The following PLEKHG1 variants were observed in gnomAD, a reference collection of about 807,000 sequenced individuals.
PLEKHG1 encodes pleckstrin homology domain-containing family G member 1.
Under a neutral mutation model 100.8 loss-of-function variants are expected in PLEKHG1, and 44 were observed. The ratio of observed to expected loss-of-function variants is 0.44; its 90% CI spans 0.34 to 0.56. The LOEUF (loss-of-function observed/expected upper bound fraction) is 0.56, where lower values mean the gene tolerates loss of function less well. PLEKHG1 is among the 20% of genes least tolerant of loss of function. The probability of loss-of-function intolerance (pLI) is 0.01; values close to 1 mark genes in which losing one functional copy is unlikely to be tolerated. For synonymous variants in PLEKHG1, 640 were observed against 662.5 expected (o/e 0.97, Z 0.52); for missense variants, 1,545 against 1,720.9 (o/e 0.90, Z 1.81).
At chr6:150,623,500 T>C (rs897502840) in intron 1 of PLEKHG1, among the ~76,000 whole-genome samples, 1 of 152,218 alleles carries the variant, frequency 6.6e-6, no homozygotes, top group Non-Finnish European at 1.5e-5. Flanking sequence ...TCTGTAGTTT[T>C]CCAGTGGGAA....
intron 3 of PLEKHG1, among the ~76,000 whole-genome samples, chr6:150,774,658 A>C (rs1475495073): frequency 6.8e-6 from 1 of 147,434 alleles, no homozygotes; most frequent in African/African-American, 2.5e-5. Context: ...CTCCTGCCTC[A>C]GCCTCCCAAG....
chr6:150,808,113 G>A (rs1177485344), intron 7 of PLEKHG1, among the ~76,000 whole-genome samples: 2 of 152,118 alleles, frequency 1.3e-5, no homozygotes, highest in East Asian at 1.9e-4. Context: ...TGGAGGTGAC[G>A]GAGGCCCATT....
At chr6:150,720,143 C>T (rs1781605734), upstream of PLEKHG1, among the ~76,000 whole-genome samples, 1 of 152,060 alleles carries the variant, frequency 6.6e-6, no homozygotes, top group Non-Finnish European at 1.5e-5. Context: ...AGACATAATC[C>T]ATATTTTGAA....
At chr6:150,670,525 G>T (rs1420927595) in intron 3 of PLEKHG1, among the ~76,000 whole-genome samples, 1 of 152,194 alleles carries the variant, frequency 6.6e-6, no homozygotes, top group Non-Finnish European at 1.5e-5. Flanking sequence ...CTGAGCATGG[G>T]CGCCCCCTGG....
At chr6:150,627,183 A>G (rs1009385697) in intron 1 of PLEKHG1, among the ~76,000 whole-genome samples, 1 of 152,236 alleles carries the variant, frequency 6.6e-6, no homozygotes, top group African/African-American at 2.4e-5. Flanking sequence ...TATTTATTTG[A>G]AAGATAAAAA....
intron 1 of PLEKHG1, among the ~76,000 whole-genome samples, chr6:150,721,498 T>C (rs1328575552): frequency 1.3e-5 from 2 of 152,216 alleles, no homozygotes; most frequent in East Asian, 1.9e-4. Flanking sequence ...GGTTGAAATA[T>C]CTAGAGAGCT....
intron 3 of PLEKHG1, among the ~76,000 whole-genome samples, chr6:150,699,060 C>T (rs1780662269): frequency 6.6e-6 from 1 of 152,174 alleles, no homozygotes; most frequent in Non-Finnish European, 1.5e-5. Context: ...CGAAATATAA[C>T]TGTCCTTAAA....
chr6:150,700,093 TTACA>T (rs1780705423), intron 3 of PLEKHG1, among the ~76,000 whole-genome samples: 2 of 152,138 alleles, frequency 1.3e-5, no homozygotes, highest in East Asian at 3.9e-4. Context: ...GGACCCAATA[TTACA>T]GTGAATCGGG....
intron 2 of PLEKHG1, among the ~76,000 whole-genome samples, chr6:150,766,484 G>A (rs369621580): frequency 7.1e-4 from 108 of 152,336 alleles, no homozygotes; most frequent in African/African-American, 2.6e-3. Context: ...TAGGGTTAAA[G>A]TATTAGATTT....
At chr6:150,616,776 C>T (rs1045862781) in intron 1 of PLEKHG1, among the ~76,000 whole-genome samples, 2 of 152,220 alleles carry the variant, frequency 1.3e-5, no homozygotes, top group Non-Finnish European at 2.9e-5. Context: ...ATATGCACTA[C>T]TTGCCTGCTT....
exon 16 of PLEKHG1, chr6:150,839,874 G>T (rs1002829692): frequency 3.4e-5 from 55 of 1,613,742 alleles, no homozygotes; most frequent in Non-Finnish European, 4.5e-5. Flanking sequence ...TGACCAGATT[G>T]TATTCAGAGA....
chr6:150,614,364 C>CCGTA (rs1202035726), intron 1 of PLEKHG1, among the ~76,000 whole-genome samples: 1 of 152,118 alleles, frequency 6.6e-6, no homozygotes, highest in African/African-American at 2.4e-5. Flanking sequence ...TGACTAGGAA[C>CCGTA]CGTACTATTT....
intron 3 of PLEKHG1, among the ~76,000 whole-genome samples, chr6:150,701,468 A>AG (rs1780787044): frequency 6.8e-5 from 3 of 44,088 alleles, no homozygotes; most frequent in Non-Finnish European, 1.4e-4. Flanking sequence ...TATATATATA[A>AG]TTATACTTTA....
chr6:150,801,236 A>G (rs1786678988), intron 6 of PLEKHG1, among the ~76,000 whole-genome samples: 1 of 152,134 alleles, frequency 6.6e-6, no homozygotes, highest in South Asian at 2.1e-4. Context: ...TTTGTCATAG[A>G]TTGGCTTTTG....
rs553198956 is a variant in PLEKHG1 at position 150,841,374 on chromosome 6, G to C, written c.*478G>C. The C allele has an allele frequency of 4.6e-5, 9 of 195,618 alleles. No individual in the cohort carries two copies. In the South Asian group the frequency reaches 8.3e-4, roughly 18 times the overall value. 12.1% of individuals were successfully genotyped at this position (195,618 alleles called of 1,614,324 possible). ...TGGTTATATTTGTGGTAACACCTTA[G>C]GATAACGTAAGCCAGAGATCTGTAA... On this transcript the variant is annotated 3_prime_UTR_variant, in exon 16 of 16. Coordinates refer to ENST00000358517, the Ensembl canonical transcript of PLEKHG1.
chr6:150,682,065 C>T (rs959346648), intron 3 of PLEKHG1, among the ~76,000 whole-genome samples: 1 of 152,168 alleles, frequency 6.6e-6, no homozygotes, highest in Non-Finnish European at 1.5e-5. Flanking sequence ...AGCGTGATGC[C>T]TGCTCCCTAA....
chr6:150,647,771 A>T (rs1778563102), intron 2 of PLEKHG1, among the ~76,000 whole-genome samples: 1 of 152,176 alleles, frequency 6.6e-6, no homozygotes, highest in Non-Finnish European at 1.5e-5. Context: ...GTTGTACTTA[A>T]GGCCAGACAA....
chr6:150,629,017 C>T (rs1469263566), intron 1 of PLEKHG1, among the ~76,000 whole-genome samples: 1 of 152,166 alleles, frequency 6.6e-6, no homozygotes, highest in Non-Finnish European at 1.5e-5. Context: ...AAGACTAGAC[C>T]TCCATTGGCC....
Position 150,789,330 on chromosome 6 carries a change from G to T in PLEKHG1, c.582+2871G>T, listed in dbSNP as rs372279976. 1.8e-4 allele frequency among the ~76,000 whole-genome samples: 27 copies of T among 152,238 alleles called. No homozygotes were observed. The Middle Eastern group carries it at 0.014, about 77-fold the overall frequency. On this transcript the variant is annotated intron_variant, in intron 4 of 15. Transcript: ENST00000358517. Reference sequence around the variant, plus strand: ...ACATTCCCTTAAATCCTTCTAAGCCGATTTGGGGTGGCATATTTAATAACT... The same window carrying T: ...ACATTCCCTTAAATCCTTCTAAGCCTATTTGGGGTGGCATATTTAATAACT...
Sources: gnomAD v4.1 joint callset for allele counts (sites outside exome capture counted in the v4.1 genomes callset) on GRCh38, gnomAD v4.1.1 for gene constraint, MANE v1.5 for transcripts, NCBI Gene and HGNC (gene_info 2026-07-23, HGNC 2026-07-21) for gene names.